Variants in ATL2 observed in about 807,000 individuals in gnomAD.
ATL2 encodes the protein atlastin GTPase 2.
ATL2 carries 31 observed loss-of-function variants against 73.9 expected under a neutral mutation model. That is an observed-to-expected ratio of 0.42 (90% CI 0.32 to 0.57). The LOEUF (loss-of-function observed/expected upper bound fraction) is 0.57. ATL2 is among the 20% of genes least tolerant of loss of function. ATL2 has a pLI of 0.14. For synonymous variants in ATL2, 291 were observed against 237.5 expected (o/e 1.23, Z -2.07); for missense variants, 738 against 702.6 (o/e 1.05, Z -0.57).
intron 9 of ATL2, among the ~76,000 whole-genome samples, chr2:38,302,383 C>T (rs1667236111): frequency 6.6e-6 from 1 of 152,150 alleles, no homozygotes; most frequent in African/African-American, 2.4e-5. Flanking sequence ...CACCAGAGAG[C>T]ATCTCTGGAC....
chr2:38,371,841 G>A (rs1671708054), intron 1 of ATL2, among the ~76,000 whole-genome samples: 1 of 151,848 alleles, frequency 6.6e-6, no homozygotes, highest in Non-Finnish European at 1.5e-5. Context: ...AGATTGCAGT[G>A]AGCCAAGATC....
intron 2 of ATL2, among the ~76,000 whole-genome samples, chr2:38,321,170 CAAACA>C (rs1005880488): frequency 5.9e-5 from 9 of 151,978 alleles, no homozygotes; most frequent in Non-Finnish European, 8.8e-5. Context: ...GAGACTGTCT[CAAACA>C]AAACAAAACA....
At chr2:38,331,126 G>C (rs1202704386) in intron 2 of ATL2, among the ~76,000 whole-genome samples, 2 of 151,818 alleles carry the variant, frequency 1.3e-5, no homozygotes, top group Admixed American at 1.3e-4. Context: ...GTGAAACCCT[G>C]TCTCTACTAA....
chr2:38,302,283 G>C (rs954299387), intron 9 of ATL2, among the ~76,000 whole-genome samples: 3 of 151,870 alleles, frequency 2.0e-5, no homozygotes, highest in Non-Finnish European at 2.9e-5. Context: ...GCTATGAGGA[G>C]AGTCTCCTGC....
chr2:38,313,482 T>C (rs890911087), intron 6 of ATL2, among the ~76,000 whole-genome samples: 1 of 151,554 alleles, frequency 6.6e-6, no homozygotes, highest in African/African-American at 2.4e-5. Flanking sequence ...AAAGAAAGAG[T>C]CACCACAAGC....
chr2:38,364,119 G>A (rs143961649), intron 1 of ATL2, among the ~76,000 whole-genome samples: 3 of 152,028 alleles, frequency 2.0e-5, no homozygotes, highest in African/African-American at 4.8e-5. Flanking sequence ...AAAATTACCC[G>A]GGCGTGGTGG....
intron 2 of ATL2, among the ~76,000 whole-genome samples, chr2:38,325,635 C>T (rs1668563388): frequency 2.7e-5 from 2 of 73,322 alleles, no homozygotes; most frequent in African/African-American, 1.1e-4. Flanking sequence ...CATACACACA[C>T]ACACACACAC....
intron 1 of ATL2, chr2:38,376,006 A>G: frequency 7.7e-7 from 1 of 1,290,478 alleles, no homozygotes; most frequent in Non-Finnish European, 1.0e-6. Flanking sequence ...TCATACCAAA[A>G]TGCTTTACAT....
intron 1 of ATL2, among the ~76,000 whole-genome samples, chr2:38,344,148 G>A (rs978825033): frequency 5.3e-5 from 8 of 152,062 alleles, no homozygotes; most frequent in African/African-American, 1.7e-4. Flanking sequence ...AACAGCACCT[G>A]TTTCTGAGCC....
At position 38,355,768 on chromosome 2, in the gene ATL2, C is replaced by T. The variant is rs182684846; in HGVS notation, c.119-12256G>A. Among the ~76,000 whole-genome samples the T allele has an allele frequency of 1.5e-4, 22 of 149,942 alleles. 1 individual carries two copies. In the East Asian group the frequency reaches 3.7e-3, roughly 25 times the overall value. ...AGGCTGGAGTGCAGTGGTGCCATCT[C>T]GGCTCACTGCAACCCCCGTCTTGCA... On this transcript the variant is annotated intron_variant, in intron 1 of 12. Coordinates refer to ENST00000378954, the MANE Select transcript of ATL2 (RefSeq NM_001135673.4).
chr2:38,298,335 C>A lies in ATL2; in HGVS notation c.1441G>T (p.Val481Phe). 1 of 1,614,196 alleles carries A rather than the reference C, an allele frequency of 6.2e-7. No individual in the cohort carries two copies. Among genetic ancestry groups the A allele is most frequent in the South Asian group, 1.1e-5 (1 of 91,086 alleles). ...GAGATTATATACATAGCAAACATGACCGCAAACAGTGTGGCTGGGGTACGA... is the reference window on the plus strand; with the variant it reads ...GAGATTATATACATAGCAAACATGAACGCAAACAGTGTGGCTGGGGTACGA... ...AARTPATLFAVMFAMYIISGL... is the reference protein window; with the variant it reads ...AARTPATLFAFMFAMYIISGL... The change falls in exon 12 of 13, where the codon GTC (valine) becomes TTC (phenylalanine). Residue 481 changes from valine to phenylalanine, a missense_variant. Val to Phe is a conservative substitution (Grantham distance 50, BLOSUM62 -1). Coordinates refer to ENST00000378954, the MANE Select transcript of ATL2 (RefSeq NM_001135673.4).
chr2:38,334,077 T>C (rs894382652), intron 2 of ATL2, among the ~76,000 whole-genome samples: 2 of 141,240 alleles, frequency 1.4e-5, no homozygotes, highest in African/African-American at 2.8e-5. Flanking sequence ...TCACCCAGGC[T>C]GGAATACAGT....
rs1045876127 is a variant in ATL2, at chr2:38,312,099, T to C, written c.804+1052A>G. On this transcript the variant is annotated intron_variant, in intron 7 of 12. Coordinates refer to ENST00000378954, the MANE Select transcript of ATL2 (RefSeq NM_001135673.4). ...ATTCCCATAGACAAATAAAATCTTATCAATGAAAGACAGCACCCTCCTAAT... is the reference window on the plus strand; with the variant it reads ...ATTCCCATAGACAAATAAAATCTTACCAATGAAAGACAGCACCCTCCTAAT... Among the ~76,000 whole-genome samples the C allele has an allele frequency of 4.6e-5, 7 of 152,212 alleles. No homozygotes were observed. The East Asian group carries it at 9.6e-4, about 21-fold the overall frequency.
chr2:38,328,236 G>C (rs528404404), intron 2 of ATL2, among the ~76,000 whole-genome samples: 195 of 152,260 alleles, frequency 1.3e-3, no homozygotes, highest in Non-Finnish European at 2.4e-3. Flanking sequence ...CTATTATACT[G>C]GGAGACCTCA....
At chr2:38,351,501 T>C (rs1314404245) in intron 1 of ATL2, among the ~76,000 whole-genome samples, 1 of 151,352 alleles carries the variant, frequency 6.6e-6, no homozygotes, top group African/African-American at 2.4e-5. Context: ...ATTTAATTTT[T>C]TTTTTTTTTT....
intron 2 of ATL2, among the ~76,000 whole-genome samples, chr2:38,324,672 A>C (rs1479976272): frequency 1.3e-5 from 2 of 152,160 alleles, no homozygotes; most frequent in African/African-American, 4.8e-5. Flanking sequence ...AAAAAGGACA[A>C]CTCTAACTAC....
chr2:38,331,464 G>C (rs1381630265), intron 2 of ATL2, among the ~76,000 whole-genome samples: 3 of 141,436 alleles, frequency 2.1e-5, no homozygotes, highest in Non-Finnish European at 4.5e-5. Flanking sequence ...AAAAAAATTA[G>C]CCGGGCATGG....
chr2:38,366,481 T>C (rs2166853), intron 1 of ATL2, among the ~76,000 whole-genome samples: 19,067 of 152,132 alleles, frequency 0.13, 3,524 homozygotes, highest in African/African-American at 0.41. Context: ...GGGTCAAATG[T>C]TTAAATTATG....
At chr2:38,310,564 G>A (rs1667702691) in intron 7 of ATL2, 117 bp from the exon 8 acceptor site, 2 of 784,586 alleles carry the variant, frequency 2.5e-6, no homozygotes, top group East Asian at 3.4e-5. Flanking sequence ...GTACTCCTAA[G>A]GAGTCTTTTT....
Sources: gnomAD v4.1 joint callset for allele counts (sites outside exome capture counted in the v4.1 genomes callset) on GRCh38, gnomAD v4.1.1 for gene constraint, MANE v1.5 for transcripts, NCBI Gene and HGNC (gene_info 2026-07-23, HGNC 2026-07-21) for gene names.